Variants in TBCK observed in about 807,000 individuals in gnomAD.
TBCK encodes TBC1 domain containing kinase, also known as TBC domain-containing protein kinase-like protein.
In TBCK, 99 loss-of-function variants were observed where a neutral mutation model predicts 113.4. That is an observed-to-expected ratio of 0.87 (90% CI 0.74 to 1.03). The LOEUF is 1.03. Among genes scored for constraint, TBCK ranks in the 50% least tolerant of loss-of-function variants. TBCK has a pLI of 0.00. For missense variants in TBCK, 1,045 were observed against 1,061.3 expected (o/e 0.98, Z 0.21); for synonymous variants, 369 against 370.8 (o/e 1.00, Z 0.05).
chr4:106,225,963 A>T (rs1348577538), intron 19 of TBCK, among the ~76,000 whole-genome samples: 1 of 152,014 alleles, frequency 6.6e-6, no homozygotes, highest in Non-Finnish European at 1.5e-5. Context: ...TGAGTTTGAG[A>T]TCAGCCTGGG....
At chr4:106,173,810 T>C (rs1751308777) in intron 22 of TBCK, among the ~76,000 whole-genome samples, 2 of 152,100 alleles carry the variant, frequency 1.3e-5, no homozygotes, top group Admixed American at 6.6e-5. Context: ...TACATTAAAA[T>C]GCACAATTAC....
chr4:106,129,061 G>T (rs555376126), intron 23 of TBCK, among the ~76,000 whole-genome samples: 1 of 152,062 alleles, frequency 6.6e-6, no homozygotes, highest in Non-Finnish European at 1.5e-5. Context: ...ATATAGTACT[G>T]GGATAACTTG....
At chr4:106,188,259 C>T (rs1225839485) in intron 22 of TBCK, among the ~76,000 whole-genome samples, 1 of 152,078 alleles carries the variant, frequency 6.6e-6, no homozygotes, top group African/African-American at 2.4e-5. Context: ...AAATTTAATA[C>T]ATTTTGGTCC....
At chr4:106,113,338 C>G (rs569021685) in intron 24 of TBCK, among the ~76,000 whole-genome samples, 15 of 152,278 alleles carry the variant, frequency 9.9e-5, no homozygotes, top group African/African-American at 3.6e-4. Flanking sequence ...AGTAAGGACC[C>G]TGCAACACTA....
chr4:106,301,135 T>C (rs528553351), intron 2 of TBCK, among the ~76,000 whole-genome samples: 141 of 151,810 alleles, frequency 9.3e-4, no homozygotes, highest in African/African-American at 3.3e-3. Context: ...GCAATTCTTT[T>C]TTATATATTC....
intron 3 of TBCK, among the ~76,000 whole-genome samples, chr4:106,264,854 C>T (rs192875717): frequency 1.2e-4 from 18 of 151,916 alleles, no homozygotes; most frequent in East Asian, 3.9e-4. Flanking sequence ...TTTTCATGCA[C>T]GGCGCATCTG....
chr4:106,304,754 G>A (rs1262823841), intron 2 of TBCK, among the ~76,000 whole-genome samples: 1 of 152,040 alleles, frequency 6.6e-6, no homozygotes, highest in Admixed American at 6.6e-5. Flanking sequence ...TGTCTAAGCA[G>A]AACATAAATC....
chr4:106,163,405 A>C lies in TBCK; in HGVS notation c.2235+7690T>G, dbSNP rs1579092484. The C allele has an allele frequency of 2.0e-5, 3 of 152,364 alleles. No homozygotes were observed. In the South Asian group the frequency reaches 6.2e-4, roughly 32 times the overall value. The allele number at this position is 152,364 out of a possible 1,614,324, so 9.4% of individuals were successfully genotyped here. On this transcript the variant is annotated intron_variant, in intron 23 of 25. Transcript: ENST00000394708. ...CAAACTGTTCCAACCTCAGCCTGTTATCCAGTTCCAAAATCACTTCCACAT... is the reference window on the plus strand; with the variant it reads ...CAAACTGTTCCAACCTCAGCCTGTTCTCCAGTTCCAAAATCACTTCCACAT...
chr4:106,167,983 G>T (rs576704323), intron 23 of TBCK, among the ~76,000 whole-genome samples: 1 of 151,800 alleles, frequency 6.6e-6, no homozygotes, highest in East Asian at 1.9e-4. Context: ...GAAGCAAAAC[G>T]AATATGTCCT....
intron 5 of TBCK, among the ~76,000 whole-genome samples, chr4:106,254,331 A>G (rs1279283967): frequency 6.6e-6 from 1 of 152,236 alleles, no homozygotes; most frequent in African/African-American, 2.4e-5. Flanking sequence ...TTTCAAGGCA[A>G]CAGCCAAGGG....
intron 25 of TBCK, among the ~76,000 whole-genome samples, chr4:106,081,285 T>C (rs1738845978): frequency 6.6e-6 from 1 of 152,176 alleles, no homozygotes; most frequent in Non-Finnish European, 1.5e-5. Flanking sequence ...TCAACCTTAA[T>C]GCACATCAAT....
At chr4:106,152,294 A>G (rs554992673) in intron 23 of TBCK, among the ~76,000 whole-genome samples, 1 of 152,118 alleles carries the variant, frequency 6.6e-6, no homozygotes, top group East Asian at 1.9e-4. Context: ...TAATCATAAA[A>G]AGATGTTAAA....
intron 23 of TBCK, among the ~76,000 whole-genome samples, chr4:106,160,452 G>C (rs1357180803): frequency 6.6e-6 from 1 of 151,400 alleles, no homozygotes; most frequent in Admixed American, 6.6e-5. Context: ...CCTTGAATAG[G>C]GCATTTCTCC....
chr4:106,123,368 A>C lies in TBCK; in HGVS notation c.2236-6990T>G, dbSNP rs189949151. Among the ~76,000 whole-genome samples, 522 of 152,326 alleles carry C rather than the reference A, an allele frequency of 3.4e-3. 11 individuals carry two copies. The East Asian group carries it at 0.059, about 17-fold the overall frequency. On this transcript the variant is annotated intron_variant, in intron 23 of 25. Transcript: ENST00000394708. ...CTACAAATCACTGCTCAAGGAAATAAAAGAGGATACAAACAAATGGAAGAA... is the reference window on the plus strand; with the variant it reads ...CTACAAATCACTGCTCAAGGAAATACAAGAGGATACAAACAAATGGAAGAA...
chr4:106,256,597 C>A (rs1235923979), intron 5 of TBCK, among the ~76,000 whole-genome samples: 1 of 152,174 alleles, frequency 6.6e-6, no homozygotes, highest in Non-Finnish European at 1.5e-5. Context: ...GGGCTCCTGC[C>A]TGCTTCCGGC....
chr4:106,303,833 C>T (rs1049424415), intron 2 of TBCK, among the ~76,000 whole-genome samples: 3 of 152,152 alleles, frequency 2.0e-5, no homozygotes, highest in African/African-American at 7.2e-5. Context: ...GTGGTTCTGG[C>T]CAGTCTACCA....
Position 106,263,150 on chromosome 4 carries a change from C to G in TBCK, c.267-938G>C, listed in dbSNP as rs1483640389. ...GTTCACATAGGAAATTTCCCCATAC[C>G]TACAATATTAACATTTTCCTTTCTA... On this transcript the variant is annotated intron_variant, in intron 3 of 25. Coordinates refer to ENST00000394708, the MANE Select transcript of TBCK (RefSeq NM_001163435.3). 3.3e-5 allele frequency among the ~76,000 whole-genome samples: 5 copies of G among 151,730 alleles called. No individual in the cohort carries two copies. The South Asian group carries it at 6.2e-4, about 19-fold the overall frequency.
In TBCK at chr4:106,060,301, C is replaced by A. The variant is rs562253543; in HGVS notation, c.2572-13621G>T. ...AAGAGATCAATGCCTGGCTTCAAGG[C>A]TTCAAAGGATAGGCTGACTCTCCTG... On this transcript the variant is annotated intron_variant, in intron 25 of 25. Coordinates refer to ENST00000394708, the MANE Select transcript of TBCK (RefSeq NM_001163435.3). Among the ~76,000 whole-genome samples, 16 of 151,888 alleles carry A rather than the reference C, an allele frequency of 1.1e-4. No homozygotes were observed. In the East Asian group the frequency reaches 2.9e-3, roughly 28 times the overall value.
At chr4:106,316,514 CT>C, upstream of TBCK, 3 of 1,551,118 alleles carry the variant, frequency 1.9e-6, no homozygotes, top group Non-Finnish European at 2.6e-6. Flanking sequence ...TGGGTCCTTT[CT>C]CACTGCTATA....
Sources: allele counts gnomAD v4.1 joint callset (sites outside exome capture counted in the v4.1 genomes callset), GRCh38; gene constraint gnomAD v4.1.1; transcripts MANE v1.5; gene names NCBI Gene and HGNC (gene_info 2026-07-23, HGNC 2026-07-21).